CSMD1: variants seen among roughly 807,000 people sequenced by gnomAD.
CSMD1 encodes the protein CUB and sushi domain-containing protein 1.
CSMD1 carries 213 observed loss-of-function variants against 417.5 expected under a neutral mutation model. The ratio of observed to expected loss-of-function variants is 0.51; its 90% CI spans 0.46 to 0.57. The LOEUF is 0.57. Among genes scored for constraint, CSMD1 ranks in the 20% least tolerant of loss-of-function variants. The pLI is 0.00. For synonymous variants in CSMD1, 2,862 were observed against 1,736.8 expected (o/e 1.65, Z -16.11); for missense variants, 6,923 against 4,529.7 (o/e 1.53, Z -15.17).
chr8:4,175,273 C>G (rs537012014), intron 3 of CSMD1, among the ~76,000 whole-genome samples: 37 of 152,120 alleles, frequency 2.4e-4, no homozygotes, highest in Non-Finnish European at 3.8e-4. Context: ...TTAATTATCT[C>G]TGCTGATGGG....
chr8:4,082,888 C>G (rs11777172), intron 3 of CSMD1, among the ~76,000 whole-genome samples: 34,559 of 150,888 alleles, frequency 0.23, 4,243 homozygotes, highest in Middle Eastern at 0.32. Context: ...CCTTGTGATA[C>G]TTTACTGACA....
intron 2 of CSMD1, among the ~76,000 whole-genome samples, chr8:4,516,162 A>G (rs1432336819): frequency 2.0e-5 from 3 of 152,066 alleles, no homozygotes; most frequent in East Asian, 1.9e-4. Context: ...CCCTAATCCA[A>G]TATGACTGGT....
chr8:4,633,175 T>C (rs753077360), intron 2 of CSMD1, among the ~76,000 whole-genome samples: 2 of 147,942 alleles, frequency 1.4e-5, no homozygotes, highest in African/African-American at 2.5e-5. Context: ...ACAGGAGCCT[T>C]CGTAGGAACA....
In CSMD1 at chr8:3,594,830, G is replaced by C. The variant is rs1287819071; in HGVS notation, c.1098-8570C>G. On this transcript the variant is annotated intron_variant, in intron 8 of 69. Coordinates refer to ENST00000635120, the MANE Select transcript of CSMD1 (RefSeq NM_033225.6). ...GGAACCGCGGTGTGTCATTCACCTT[G>C]AAATCTCTCACAGCTTCCAGCACTG... Among the ~76,000 whole-genome samples, 3 of 152,176 alleles carry C rather than the reference G, an allele frequency of 2.0e-5. No individual in the cohort carries two copies. The East Asian group carries it at 5.8e-4, about 29-fold the overall frequency.
At chr8:3,668,163 G>C (rs1443160668) in intron 7 of CSMD1, among the ~76,000 whole-genome samples, 1 of 152,140 alleles carries the variant, frequency 6.6e-6, no homozygotes, top group African/African-American at 2.4e-5. Context: ...GGGGTGTGCA[G>C]AGGGGCTGAC....
chr8:3,009,020 C>T (rs1808180430), intron 52 of CSMD1, among the ~76,000 whole-genome samples: 1 of 152,216 alleles, frequency 6.6e-6, no homozygotes, highest in Non-Finnish European at 1.5e-5. Context: ...TCCACTGTTT[C>T]ACTTCTCCCG....
At chr8:3,636,206 G>A (rs1432409042) in intron 7 of CSMD1, among the ~76,000 whole-genome samples, 1 of 152,164 alleles carries the variant, frequency 6.6e-6, no homozygotes, top group Admixed American at 6.5e-5. Context: ...CCCATTGGAA[G>A]GTCTTCAGGA....
At chr8:3,019,100 T>C (rs1354250348) in intron 51 of CSMD1, among the ~76,000 whole-genome samples, 2 of 152,184 alleles carry the variant, frequency 1.3e-5, no homozygotes, top group East Asian at 3.9e-4. Context: ...GTATTTTTAG[T>C]AGAGACAGTG....
chr8:4,430,819 T>C (rs753363008), intron 2 of CSMD1, among the ~76,000 whole-genome samples: 1 of 152,184 alleles, frequency 6.6e-6, no homozygotes, highest in Non-Finnish European at 1.5e-5. Context: ...TTCCTGTCAA[T>C]TGTCACTGCA....
At chr8:3,233,672 T>A (rs904561061) in intron 26 of CSMD1, among the ~76,000 whole-genome samples, 1 of 152,180 alleles carries the variant, frequency 6.6e-6, no homozygotes, top group Admixed American at 6.6e-5. Flanking sequence ...TTTTCATGAT[T>A]ACAGTCTGAA....
intron 3 of CSMD1, among the ~76,000 whole-genome samples, chr8:4,047,545 C>CATTCA (rs67200346): frequency 0.035 from 5,272 of 150,554 alleles, 134 homozygotes; most frequent in Middle Eastern, 0.094. Flanking sequence ...TCATTCATTC[C>CATTCA]ACAAATATTT....
intron 40 of CSMD1, among the ~76,000 whole-genome samples, chr8:3,147,821 G>T (rs1563086405): frequency 1.3e-5 from 2 of 152,194 alleles, no homozygotes; most frequent in African/African-American, 4.8e-5. Flanking sequence ...ACCGAGGAGG[G>T]GAGAGGCAGA....
chr8:3,508,560 T>C (rs1352076176), intron 10 of CSMD1, among the ~76,000 whole-genome samples: 2 of 152,014 alleles, frequency 1.3e-5, no homozygotes, highest in Non-Finnish European at 2.9e-5. Flanking sequence ...ACACTAAGAA[T>C]GAAAAGATTC....
intron 7 of CSMD1, among the ~76,000 whole-genome samples, chr8:3,696,194 T>C (rs1563282403): frequency 1.3e-5 from 2 of 152,204 alleles, no homozygotes; most frequent in African/African-American, 4.8e-5. Flanking sequence ...TGTTATTCCA[T>C]ATGCCCTTCA....
At chr8:3,570,280 G>C (rs1295789560) in intron 10 of CSMD1, among the ~76,000 whole-genome samples, 1 of 152,178 alleles carries the variant, frequency 6.6e-6, no homozygotes, top group Non-Finnish European at 1.5e-5. Flanking sequence ...TTGGTGTCTG[G>C]CTTGCCTGGA....
chr8:3,820,107 C>T (rs1801642605), intron 5 of CSMD1, among the ~76,000 whole-genome samples: 1 of 152,172 alleles, frequency 6.6e-6, no homozygotes, highest in Admixed American at 6.5e-5. Context: ...GGGACAGATG[C>T]ACTGCTTGAA....
intron 3 of CSMD1, among the ~76,000 whole-genome samples, chr8:4,409,345 CA>C (rs1162930890): frequency 2.6e-5 from 4 of 152,144 alleles, no homozygotes; most frequent in Non-Finnish European, 4.4e-5. Context: ...CATTCTCTCA[CA>C]TCTTCTCCTC....
intron 3 of CSMD1, among the ~76,000 whole-genome samples, chr8:4,328,061 C>T (rs1216957209): frequency 6.6e-6 from 1 of 152,074 alleles, no homozygotes; most frequent in Admixed American, 6.6e-5. Context: ...GTACTAAGCT[C>T]TGCACTCCAT....
At position 4,604,031 on chromosome 8, in the gene CSMD1, T is replaced by A. The variant is rs181014465; in HGVS notation, c.302+33311A>T. 5.3e-5 allele frequency among the ~76,000 whole-genome samples: 8 copies of A among 152,236 alleles called. No individual in the cohort carries two copies. In the East Asian group the frequency reaches 1.5e-3, roughly 29 times the overall value. ...GAATTTTATATAGAAACTGGAAAGA[T>A]ATGTATCAGTTTATTGACAGTTGTT... On this transcript the variant is annotated intron_variant, in intron 2 of 69. Coordinates refer to ENST00000635120, the MANE Select transcript of CSMD1 (RefSeq NM_033225.6).
Sources: gnomAD v4.1 joint callset for allele counts (sites outside exome capture counted in the v4.1 genomes callset) on GRCh38, gnomAD v4.1.1 for gene constraint, MANE v1.5 for transcripts, NCBI Gene and HGNC (gene_info 2026-07-23, HGNC 2026-07-21) for gene names.